OLFM3: variants seen among roughly 807,000 people sequenced by gnomAD.
OLFM3 encodes the protein olfactomedin 3.
Under a neutral mutation model 48.6 loss-of-function variants are expected in OLFM3, and 20 were observed. The observed-to-expected ratio is 0.41, with a 90% CI of 0.29 to 0.60. OLFM3 has a LOEUF of 0.60. Among genes scored for constraint, OLFM3 ranks in the 20% least tolerant of loss-of-function variants. The probability of loss-of-function intolerance (pLI) is 0.28; values close to 1 mark genes in which losing one functional copy is unlikely to be tolerated. For missense variants in OLFM3, 437 were observed against 544.3 expected (o/e 0.80, Z 1.96); for synonymous variants, 222 against 198.1 (o/e 1.12, Z -1.01).
intron 1 of OLFM3, among the ~76,000 whole-genome samples, chr1:101,854,093 C>T (rs1279453707): frequency 7.9e-5 from 12 of 151,936 alleles, no homozygotes; most frequent in Admixed American, 3.3e-4. Flanking sequence ...ATTTCACTAT[C>T]TATATGTATA....
Position 101,840,979 on chromosome 1 carries a change from T to C in OLFM3, c.70-3954A>G, listed in dbSNP as rs960583973. On this transcript the variant is annotated intron_variant, in intron 1 of 5. Transcript: ENST00000370103. Reference sequence around the variant, plus strand: ...AAGTATTGAGCAGTTTTTAATATTGTAAAACTCATAAAATATTTAAGAATG... The same window carrying C: ...AAGTATTGAGCAGTTTTTAATATTGCAAAACTCATAAAATATTTAAGAATG... Among the ~76,000 whole-genome samples the C allele has an allele frequency of 1.9e-4, 29 of 152,204 alleles. 1 individual carries two copies. The highest frequency in any genetic ancestry group is 1.5e-3 in the Admixed American group (23 of 15,282).
chr1:101,960,844 C>G (rs1660446635), intron 1 of OLFM3, among the ~76,000 whole-genome samples: 1 of 152,132 alleles, frequency 6.6e-6, no homozygotes, highest in South Asian at 2.1e-4. Flanking sequence ...GTTAACCACT[C>G]TGCTTCAATT....
chr1:101,862,153 C>G (rs1020945465), intron 1 of OLFM3, among the ~76,000 whole-genome samples: 8 of 152,126 alleles, frequency 5.3e-5, no homozygotes, highest in Admixed American at 5.2e-4. Flanking sequence ...AATATTGTAT[C>G]TGAAAAACCC....
chr1:101,993,405 CAG>C (rs1287961742), intron 1 of OLFM3, among the ~76,000 whole-genome samples: 1 of 152,118 alleles, frequency 6.6e-6, no homozygotes, highest in Non-Finnish European at 1.5e-5. Context: ...CAGCCGCCCT[CAG>C]AAATTCCCTA....
chr1:101,869,074 G>C lies in OLFM3; in HGVS notation c.70-32049C>G, dbSNP rs370422203. Among the ~76,000 whole-genome samples the C allele has an allele frequency of 7.9e-5, 12 of 152,326 alleles. No homozygotes were observed. The East Asian group carries it at 1.3e-3, about 17-fold the overall frequency. ...CTGGGACACTGTGGAAGGAAAATGT[G>C]GGGTCAGAGCCCCACACAGAGTTCC... On this transcript the variant is annotated intron_variant, in intron 1 of 5. Coordinates refer to ENST00000370103, the MANE Select transcript of OLFM3 (RefSeq NM_058170.4).
At chr1:101,928,145 C>A (rs1036249716) in intron 1 of OLFM3, among the ~76,000 whole-genome samples, 1 of 152,204 alleles carries the variant, frequency 6.6e-6, no homozygotes, top group Admixed American at 6.5e-5. Flanking sequence ...TACAAGCTGT[C>A]TTTAGAGACC....
intron 1 of OLFM3, among the ~76,000 whole-genome samples, chr1:101,862,819 A>G (rs1210095580): frequency 6.6e-6 from 1 of 152,232 alleles, no homozygotes; most frequent in Admixed American, 6.5e-5. Flanking sequence ...GCATTTCAAT[A>G]CATAAACTAT....
chr1:101,844,210 AT>A (rs1324827210), intron 1 of OLFM3, among the ~76,000 whole-genome samples: 1 of 152,096 alleles, frequency 6.6e-6, no homozygotes, highest in Non-Finnish European at 1.5e-5. Context: ...AGAAAGGAGG[AT>A]TTTTTTCTTC....
chr1:101,857,847 G>T (rs535194867), intron 1 of OLFM3, among the ~76,000 whole-genome samples: 2 of 151,948 alleles, frequency 1.3e-5, no homozygotes, highest in African/African-American at 4.8e-5. Flanking sequence ...TGCCTAGGCC[G>T]TATGGCTGCA....
intron 2 of OLFM3, among the ~76,000 whole-genome samples, chr1:101,833,058 T>G (rs1487477354): frequency 6.6e-6 from 1 of 152,244 alleles, no homozygotes; most frequent in African/African-American, 2.4e-5. Context: ...TTAGCATGGC[T>G]GATATCCTGG....
In OLFM3 at chr1:101,893,216, T is replaced by C. The variant is rs1658070634; in HGVS notation, c.70-56191A>G. Reference sequence around the variant, plus strand: ...CAAGAAAACAGGCTCTGCAAAATAATGTGCTTTGTGACAGGTGTGAAGACA... The same window carrying C: ...CAAGAAAACAGGCTCTGCAAAATAACGTGCTTTGTGACAGGTGTGAAGACA... On this transcript the variant is annotated intron_variant, in intron 1 of 5. Transcript: ENST00000370103. The C allele has an allele frequency of 1.0e-5, 3 of 291,448 alleles. No individual in the cohort carries two copies. The South Asian group carries it at 1.2e-4, about 12-fold the overall frequency. 18.1% of individuals were successfully genotyped at this position (291,448 alleles called of 1,614,324 possible).
rs982122996 is a variant in OLFM3, at chr1:101,815,021, C to T, written c.593-8839G>A. Among the ~76,000 whole-genome samples the T allele has an allele frequency of 2.6e-5, 4 of 152,118 alleles. No homozygotes were observed. The South Asian group carries it at 6.2e-4, about 24-fold the overall frequency. On this transcript the variant is annotated intron_variant, in intron 4 of 5. Coordinates refer to ENST00000370103, the MANE Select transcript of OLFM3 (RefSeq NM_058170.4). ...TCCAGTAGTCCACATTGTTTGTAAA[C>T]TTTGTGAAGACAAGATTTGGATTTT...
At chr1:101,976,362 C>T (rs1660951638) in intron 1 of OLFM3, among the ~76,000 whole-genome samples, 1 of 152,120 alleles carries the variant, frequency 6.6e-6, no homozygotes, top group South Asian at 2.1e-4. Context: ...GACAGCTGCC[C>T]GAGACTGGAC....
intron 1 of OLFM3, among the ~76,000 whole-genome samples, chr1:101,918,246 C>T (rs1309030894): frequency 6.6e-6 from 1 of 152,150 alleles, no homozygotes; most frequent in Non-Finnish European, 1.5e-5. Flanking sequence ...AGCAATTGCC[C>T]TAATATATAG....
intron 1 of OLFM3, among the ~76,000 whole-genome samples, chr1:101,852,664 C>A (rs1285613060): frequency 6.6e-6 from 1 of 152,008 alleles, no homozygotes; most frequent in Non-Finnish European, 1.5e-5. Context: ...AAGTGAGATC[C>A]TGTTATGGCT....
intron 1 of OLFM3, among the ~76,000 whole-genome samples, chr1:101,847,495 A>G (rs1656053495): frequency 6.6e-6 from 1 of 151,820 alleles, no homozygotes; most frequent in African/African-American, 2.4e-5. Context: ...TCTGCAAATA[A>G]TTTTCCAGAT....
chr1:101,974,367 T>G (rs1229546149), intron 1 of OLFM3, among the ~76,000 whole-genome samples: 1 of 152,172 alleles, frequency 6.6e-6, no homozygotes, highest in Non-Finnish European at 1.5e-5. Context: ...TGCTAATTAT[T>G]TTTAGTAGGC....
At chr1:101,887,122 G>C (rs1208406422) in intron 1 of OLFM3, among the ~76,000 whole-genome samples, 1 of 151,512 alleles carries the variant, frequency 6.6e-6, no homozygotes, top group Non-Finnish European at 1.5e-5. Flanking sequence ...ATAAAATATA[G>C]ATACAGGTGA....
At chr1:101,909,738 A>C (rs1658685362) in intron 1 of OLFM3, among the ~76,000 whole-genome samples, 1 of 152,200 alleles carries the variant, frequency 6.6e-6, no homozygotes, top group African/African-American at 2.4e-5. Flanking sequence ...AGTTATACTG[A>C]GTTTTTAAAT....
Sources: allele counts gnomAD v4.1 joint callset (sites outside exome capture counted in the v4.1 genomes callset), GRCh38; gene constraint gnomAD v4.1.1; transcripts MANE v1.5; gene names NCBI Gene and HGNC (gene_info 2026-07-23, HGNC 2026-07-21).